The following ZW10 variants were observed in gnomAD, a reference collection of about 807,000 sequenced individuals.
ZW10 encodes centromere/kinetochore protein zw10 homolog.
Under a neutral mutation model 87.8 loss-of-function variants are expected in ZW10, and 53 were observed. That is an observed-to-expected ratio of 0.60 (90% CI 0.48 to 0.76). The LOEUF (loss-of-function observed/expected upper bound fraction) is 0.76. ZW10 is among the 30% of genes least tolerant of loss of function. The pLI is 0.00. For missense variants in ZW10, 837 were observed against 923.0 expected, an observed-to-expected ratio of 0.91 and a Z score of 1.21; for synonymous variants, 312 against 329.2, an observed-to-expected ratio of 0.95 and a Z score of 0.57.
At chr11:113,747,320 T>C (rs1438130358) in intron 9 of ZW10, among the ~76,000 whole-genome samples, 1 of 152,204 alleles carries the variant, frequency 6.6e-6, no homozygotes, top group Non-Finnish European at 1.5e-5. Flanking sequence ...AAGGCTTTCA[T>C]GTGCATTATC....
At chr11:113,762,665 C>T (rs1034053808) in intron 2 of ZW10, among the ~76,000 whole-genome samples, 6 of 151,868 alleles carry the variant, frequency 4.0e-5, no homozygotes, top group Admixed American at 6.6e-5. Context: ...TTACAGGCAC[C>T]CACTACCATG....
At chr11:113,741,909 C>A in intron 10 of ZW10, 144 bp from the exon 11 acceptor site, 3 of 549,864 alleles carry the variant, frequency 5.5e-6, no homozygotes, top group Middle Eastern at 2.8e-4. Context: ...CTGGAAAACA[C>A]CATTAATCTA....
intron 2 of ZW10, among the ~76,000 whole-genome samples, chr11:113,767,626 T>C (rs972713142): frequency 6.6e-6 from 1 of 152,074 alleles, no homozygotes; most frequent in African/African-American, 2.4e-5. Context: ...AGTTCTTTCT[T>C]CAAACTGCAA....
chr11:113,734,820 T>G (rs1038306028), intron 15 of ZW10, among the ~76,000 whole-genome samples: 27 of 149,226 alleles, frequency 1.8e-4, no homozygotes, highest in Admixed American at 1.8e-3. Flanking sequence ...AAAAAAGGAA[T>G]AGATTTCAAA....
At chr11:113,754,427 G>A (rs536013085) in intron 7 of ZW10, among the ~76,000 whole-genome samples, 1 of 152,202 alleles carries the variant, frequency 6.6e-6, no homozygotes, top group Admixed American at 6.5e-5. Context: ...AGAGGTTGCA[G>A]TGAGCCGAGA....
chr11:113,771,358 G>C (rs1274739592), intron 1 of ZW10: 1 of 152,234 alleles, frequency 6.6e-6, no homozygotes, highest in South Asian at 2.1e-4. Context: ...CCAAGGCCAT[G>C]CACATAAAAT....
intron 7 of ZW10, among the ~76,000 whole-genome samples, chr11:113,750,736 A>AT (rs1329746277): frequency 1.3e-5 from 2 of 152,242 alleles, no homozygotes; most frequent in African/African-American, 4.8e-5. Context: ...TAAATGTCCA[A>AT]TAAAAAGTGT....
chr11:113,764,343 G>A (rs1374905734), intron 2 of ZW10, among the ~76,000 whole-genome samples: 1 of 152,048 alleles, frequency 6.6e-6, no homozygotes, highest in African/African-American at 2.4e-5. Flanking sequence ...TGGCTATATG[G>A]GTCTTCTTTG....
rs1953559162 is a variant in ZW10 at position 113,736,822 on chromosome 11, C to T, written c.2017G>A (p.Asp673Asn). 6 of 1,613,990 alleles carry T rather than the reference C, an allele frequency of 3.7e-6. No homozygotes were observed. The highest frequency in any genetic ancestry group is 5.1e-6 in the Non-Finnish European group (6 of 1,179,922). The stretch of plus-strand genomic sequence containing the variant: ...CTATCACCATCTTCAGTAGATATGT[C>T]CTGGTTTTGCACAGAGGAAACACAA... Reference protein sequence around the residue: ...EVIGKITALEDISTEDGDRLY... With the variant: ...EVIGKITALENISTEDGDRLY... Residue 673 changes from aspartate (D) to asparagine (N), a missense_variant and splice_region_variant, in exon 15 of 16, where the codon GAC (aspartate) becomes AAC (asparagine). Coordinates refer to ENST00000200135, the MANE Select transcript of ZW10 (RefSeq NM_004724.4).
At chr11:113,773,536 TCAG>T in intron 1 of ZW10, 23 bp downstream of exon 1, 1 of 1,601,546 alleles carries the variant, frequency 6.2e-7, no homozygotes, top group Non-Finnish European at 8.5e-7. Flanking sequence ...CCCCTTCCAG[TCAG>T]CAGACAGCTG....
At position 113,733,559 on chromosome 11, in the gene ZW10, C is replaced by A. The variant is rs1326080344; in HGVS notation, c.*135G>T. ...CGTACAGGCCAGGAGGTAAGACGTT[C>A]TTCTGTAAAGTCAAACTTCCAAGAT... On this transcript the variant is annotated 3_prime_UTR_variant, in exon 16 of 16. Transcript: ENST00000200135. 2.5e-6 allele frequency: 3 copies of A among 1,197,200 alleles called. No homozygotes were observed. The highest frequency in any genetic ancestry group is 2.4e-6 in the Non-Finnish European group (2 of 833,604). The allele number at this position is 1,197,200 out of a possible 1,614,324, so 74.2% of individuals were successfully genotyped here.
At chr11:113,743,417 AT>A in intron 10 of ZW10, among the ~76,000 whole-genome samples, 1 of 152,348 alleles carries the variant, frequency 6.6e-6, no homozygotes, top group Non-Finnish European at 1.5e-5. Flanking sequence ...TCCAGGTAGG[AT>A]TCTAAGTTCT....
intron 11 of ZW10, 116 bp downstream of exon 11, chr11:113,741,578 G>C (rs1347979961): frequency 3.3e-6 from 2 of 606,382 alleles, no homozygotes; most frequent in East Asian, 6.3e-5. Context: ...GCATTTTAGT[G>C]TGAATGTTAG....
chr11:113,736,351 C>T (rs1219174459), intron 15 of ZW10, among the ~76,000 whole-genome samples: 2 of 151,864 alleles, frequency 1.3e-5, no homozygotes, highest in African/African-American at 2.4e-5. Context: ...ATAATTCTTA[C>T]AGTTGCCAGA....
At position 113,737,594 on chromosome 11, in the gene ZW10, A is replaced by G. The variant is rs796121758; in HGVS notation, c.1994T>C (p.Ile665Thr). ...TLLNTAISEV[I>T]GKITALEDIS... Reference sequence around the variant, plus strand: ...TACCTCTAGGGCAGTAATTTTGCCAATGACCTCAGAAATTGCTGTATTGAG... The same window carrying G: ...TACCTCTAGGGCAGTAATTTTGCCAGTGACCTCAGAAATTGCTGTATTGAG... Residue 665 changes from isoleucine (I) to threonine (T), a missense_variant, in exon 14 of 16, where the codon ATT becomes ACT. Ile to Thr is a moderately conservative substitution (Grantham distance 89, BLOSUM62 -1). Coordinates refer to ENST00000200135, the MANE Select transcript of ZW10 (RefSeq NM_004724.4). 4.3e-6 allele frequency: 7 copies of G among 1,612,430 alleles called. No homozygotes were observed. The highest frequency in any genetic ancestry group is 2.2e-5 in the East Asian group (1 of 44,864).
chr11:113,761,060 A>C (rs1953855622), intron 2 of ZW10, 142 bp from the exon 3 acceptor site: 2 of 675,534 alleles, frequency 3.0e-6, no homozygotes, highest in Admixed American at 5.9e-5. Flanking sequence ...AATAAAAATC[A>C]CAGAATGTAG....
At chr11:113,770,942 TTCCTCAAGTCGGGG>T (rs1210903570) in intron 1 of ZW10, among the ~76,000 whole-genome samples, 1 of 151,084 alleles carries the variant, frequency 6.6e-6, no homozygotes, top group Non-Finnish European at 1.5e-5. Context: ...CAGTCTGTAC[TTCCTCAAGTCGGGG>T]ACTTGAGGAT....
intron 6 of ZW10, among the ~76,000 whole-genome samples, 172 bp downstream of exon 6, chr11:113,758,382 A>AC (rs397796325): frequency 4.0e-5 from 6 of 150,436 alleles, no homozygotes; most frequent in East Asian, 2.0e-4. Context: ...AAAAAAAAAA[A>AC]CCCAATCCCT....
intron 12 of ZW10, among the ~76,000 whole-genome samples, chr11:113,738,901 A>G (rs1953581465): frequency 6.6e-6 from 1 of 152,046 alleles, no homozygotes; most frequent in South Asian, 2.1e-4. Context: ...AATACAAACA[A>G]AATTGTCACA....
Sources: allele counts gnomAD v4.1 joint callset (sites outside exome capture counted in the v4.1 genomes callset), GRCh38; gene constraint gnomAD v4.1.1; transcripts MANE v1.5; gene names NCBI Gene and HGNC (gene_info 2026-07-23, HGNC 2026-07-21).